Variants in PRKCE observed in about 807,000 individuals in gnomAD.
PRKCE encodes protein kinase C epsilon.
A neutral mutation model predicts 85.4 loss-of-function variants in PRKCE; 16 were observed. That is an observed-to-expected ratio of 0.19 (90% CI 0.13 to 0.28). The LOEUF is 0.28. Ranked by LOEUF, PRKCE falls within the 10% of genes least tolerant of loss-of-function variation. The probability of loss-of-function intolerance (pLI) is 1.00; values close to 1 mark genes in which losing one functional copy is unlikely to be tolerated. For missense variants in PRKCE, 573 were observed against 975.2 expected (o/e 0.59, Z 5.49); for synonymous variants, 388 against 371.5 (o/e 1.04, Z -0.51).
In PRKCE at chr2:46,145,360, G is replaced by A. The variant is rs1675967849; in HGVS notation, c.1731+129G>A. ...GGAAATCCAGGATGGATTCTAGGAA[G>A]GAGGGAGAAAAGGAAAGGAAAAAAG... is the stretch of plus-strand genomic sequence containing the variant. On this transcript the variant is annotated intron_variant, in intron 12 of 14. Transcript: ENST00000306156. This position sits in a 1 kb window ranked among gnomAD's most constrained non-coding sequence, Gnocchi z 4.6. The A allele has an allele frequency of 7.7e-7, 1 of 1,298,496 alleles. No individual in the cohort carries two copies. Among genetic ancestry groups the A allele is most frequent in the South Asian group, 1.4e-5 (1 of 72,040 alleles). The allele number at this position is 1,298,496 out of a possible 1,614,324, so 80.4% of individuals were successfully genotyped here.
At chr2:46,136,589 T>C (rs919014376) in intron 11 of PRKCE, among the ~76,000 whole-genome samples, 4 of 152,154 alleles carry the variant, frequency 2.6e-5, no homozygotes, top group African/African-American at 9.7e-5. Flanking sequence ...CCTATGATGA[T>C]ACCCGCTGCC....
chr2:46,121,365 T>G (rs78992057), intron 11 of PRKCE, among the ~76,000 whole-genome samples: 1,665 of 152,330 alleles, frequency 0.011, 42 homozygotes, highest in African/African-American at 0.038. Context: ...TTTTATGGCA[T>G]GAGATCAGTC....
In PRKCE at chr2:45,652,200, C is replaced by T. The variant is rs765856949; in HGVS notation, c.100C>T (p.Gln34Ter). 6.2e-7 allele frequency: 1 copy of T among 1,613,638 alleles called. No homozygotes were observed. The change falls in exon 1 of 15, where the codon CAG becomes TAG. Residue 34 changes from glutamine to a stop codon, truncating the protein, a stop_gained. Coordinates refer to ENST00000306156, the MANE Select transcript of PRKCE (RefSeq NM_005400.3). LOFTEE classifies it high-confidence loss of function. The surrounding 1 kb of genome is among the most constrained non-coding windows in gnomAD (Gnocchi z 7.7). ...SLRHAVGPRPQTFLLDPYIAL... is the reference protein window; with the variant it reads ...SLRHAVGPRP The stretch of plus-strand genomic sequence containing the variant: ...GCGCCATGCGGTGGGACCCCGGCCG[C>T]AGACTTTCCTTCTCGACCCCTACAT...
chr2:45,722,703 G>C (rs1680718708), intron 1 of PRKCE, among the ~76,000 whole-genome samples: 1 of 152,188 alleles, frequency 6.6e-6, no homozygotes, highest in Non-Finnish European at 1.5e-5. Context: ...TGACAGATTT[G>C]GCCCATTTCC....
At position 45,695,781 on chromosome 2, in the gene PRKCE, C is replaced by T. The variant is rs555330665; in HGVS notation, c.348+43333C>T. Among the ~76,000 whole-genome samples the T allele has an allele frequency of 2.0e-5, 3 of 152,232 alleles. No individual in the cohort carries two copies. In the East Asian group the frequency reaches 5.8e-4, roughly 29 times the overall value. On this transcript the variant is annotated intron_variant, in intron 1 of 14. Coordinates refer to ENST00000306156, the MANE Select transcript of PRKCE (RefSeq NM_005400.3). The stretch of plus-strand genomic sequence containing the variant: ...GTGAGACTCCGTCTCAAAAACAAAA[C>T]AGAAACCACTAGTAGAATATGTACC...
intron 2 of PRKCE, among the ~76,000 whole-genome samples, chr2:45,975,810 A>G (rs1324651410): frequency 6.6e-6 from 1 of 152,102 alleles, no homozygotes; most frequent in African/African-American, 2.4e-5. Context: ...TCGAGAAACT[A>G]CTTTCACTGT....
intron 14 of PRKCE, among the ~76,000 whole-genome samples, chr2:46,164,337 A>G (rs1678106153): frequency 6.6e-6 from 1 of 152,184 alleles, no homozygotes; most frequent in African/African-American, 2.4e-5. Context: ...TCAAGGAGAC[A>G]TTGGGCGTGT....
intron 1 of PRKCE, among the ~76,000 whole-genome samples, chr2:45,813,750 T>C (rs531017153): frequency 9.2e-5 from 14 of 152,130 alleles, no homozygotes; most frequent in Non-Finnish European, 1.8e-4. Flanking sequence ...TTGTGGCCTG[T>C]TGTGAATTCT....
At chr2:45,877,495 T>G (rs1694566150) in intron 2 of PRKCE, among the ~76,000 whole-genome samples, 1 of 152,176 alleles carries the variant, frequency 6.6e-6, no homozygotes, top group African/African-American at 2.4e-5. Flanking sequence ...AACTTCTGAC[T>G]GATTAAGTCT....
intron 11 of PRKCE, among the ~76,000 whole-genome samples, chr2:46,098,324 C>T (rs1670901049): frequency 6.6e-6 from 1 of 151,236 alleles, no homozygotes. Flanking sequence ...TATTACTCCC[C>T]CCCCAACCCA....
At chr2:45,893,754 C>T (rs1008384692) in intron 2 of PRKCE, among the ~76,000 whole-genome samples, 3 of 152,168 alleles carry the variant, frequency 2.0e-5, no homozygotes, top group Non-Finnish European at 4.4e-5. Context: ...GATCCCCCTG[C>T]AAATACTCAC....
intron 10 of PRKCE, among the ~76,000 whole-genome samples, chr2:46,012,250 T>C (rs1277489066): frequency 2.0e-5 from 3 of 152,232 alleles, no homozygotes; most frequent in Non-Finnish European, 2.9e-5. Flanking sequence ...GGAAGATTTT[T>C]TCAAAGTCAC....
chr2:46,017,428 T>C (rs137971737), intron 10 of PRKCE, among the ~76,000 whole-genome samples: 23 of 152,368 alleles, frequency 1.5e-4, no homozygotes, highest in Non-Finnish European at 2.8e-4. Context: ...ATCATGTGTA[T>C]AATATCACAT....
intron 2 of PRKCE, among the ~76,000 whole-genome samples, chr2:45,861,470 T>A (rs1183760325): frequency 6.6e-6 from 1 of 152,188 alleles, no homozygotes; most frequent in East Asian, 1.9e-4. Context: ...ATCAAAAATA[T>A]ATACATTATA....
intron 2 of PRKCE, among the ~76,000 whole-genome samples, chr2:45,845,179 A>T (rs973327631): frequency 4.0e-5 from 6 of 150,838 alleles, no homozygotes; most frequent in Non-Finnish European, 7.4e-5. Context: ...TGTTATACAC[A>T]TCTGTTCTCC....
At chr2:45,997,289 C>T (rs1704298276) in intron 6 of PRKCE, among the ~76,000 whole-genome samples, 1 of 151,956 alleles carries the variant, frequency 6.6e-6, no homozygotes, top group African/African-American at 2.4e-5. Flanking sequence ...TTTTTCTCTA[C>T]TGATTTTCTG....
At chr2:45,901,792 T>C (rs1410554453) in intron 2 of PRKCE, among the ~76,000 whole-genome samples, 9 of 152,230 alleles carry the variant, frequency 5.9e-5, no homozygotes, top group Admixed American at 5.9e-4. Flanking sequence ...TGCAGTTGAA[T>C]TCTTGGAAGT....
intron 14 of PRKCE, among the ~76,000 whole-genome samples, chr2:46,182,190 C>A (rs1680049314): frequency 6.6e-6 from 1 of 152,142 alleles, no homozygotes; most frequent in Non-Finnish European, 1.5e-5. Context: ...GCCCGCTCCT[C>A]CCTCTGGACT....
At chr2:45,735,412 C>T (rs1302535970) in intron 1 of PRKCE, among the ~76,000 whole-genome samples, 1 of 152,218 alleles carries the variant, frequency 6.6e-6, no homozygotes, top group Non-Finnish European at 1.5e-5. Flanking sequence ...GGGGTCAAGA[C>T]CATAGACTTT....
Sources: gnomAD v4.1 joint callset for allele counts (sites outside exome capture counted in the v4.1 genomes callset) on GRCh38, gnomAD v4.1.1 for gene constraint, Gnocchi (gnomAD v3.1) non-coding constraint, MANE v1.5 for transcripts, NCBI Gene and HGNC (gene_info 2026-07-23, HGNC 2026-07-21) for gene names.